SATB2: variants seen among roughly 807,000 people sequenced by gnomAD.
The protein encoded by SATB2 is DNA-binding protein SATB2.
Under a neutral mutation model 73.4 loss-of-function variants are expected in SATB2, and 1 was observed. The observed-to-expected ratio is 0.01, with a 90% CI of 0.00 to 0.06. The LOEUF (loss-of-function observed/expected upper bound fraction) is 0.06. Among genes scored for constraint, SATB2 ranks in the 10% least tolerant of loss-of-function variants. SATB2 has a pLI of 1.00. For synonymous variants in SATB2, 397 were observed against 367.0 expected (o/e 1.08, Z -0.93); for missense variants, 459 against 945.8 (o/e 0.49, Z 6.75).
chr2:199,376,817 A>G (rs1313960549), intron 5 of SATB2, among the ~76,000 whole-genome samples: 2 of 152,240 alleles, frequency 1.3e-5, no homozygotes, highest in East Asian at 3.9e-4. Context: ...AGGTTGAGGC[A>G]CTTCACTAGC....
chr2:199,429,445 C>A (rs1379348326), intron 3 of SATB2, among the ~76,000 whole-genome samples: 1 of 152,056 alleles, frequency 6.6e-6, no homozygotes, highest in African/African-American at 2.4e-5. Flanking sequence ...TTAAAGACAC[C>A]TTTTCTGTGT....
At chr2:199,398,976 C>T (rs1474784230) in intron 3 of SATB2, among the ~76,000 whole-genome samples, 2 of 152,122 alleles carry the variant, frequency 1.3e-5, no homozygotes, top group African/African-American at 4.8e-5. Context: ...GATAAAGATA[C>T]AGGTAAGATT....
chr2:199,419,386 C>A (rs1470638739), intron 3 of SATB2, among the ~76,000 whole-genome samples: 5 of 152,222 alleles, frequency 3.3e-5, no homozygotes, highest in Admixed American at 6.5e-5. Context: ...ATGGCACCCC[C>A]AGTGCCCTGA....
chr2:199,289,837 T>A (rs1410032936), intron 10 of SATB2, among the ~76,000 whole-genome samples: 2 of 152,184 alleles, frequency 1.3e-5, no homozygotes, highest in African/African-American at 4.8e-5. Flanking sequence ...TGCTGATTAT[T>A]CCTTTTAAAC....
At chr2:199,358,032 G>T (rs1689037166) in intron 6 of SATB2, among the ~76,000 whole-genome samples, 1 of 152,004 alleles carries the variant, frequency 6.6e-6, no homozygotes, top group Non-Finnish European at 1.5e-5. Flanking sequence ...TACAAAAATG[G>T]CAATTCCATA....
intron 3 of SATB2, among the ~76,000 whole-genome samples, chr2:199,391,432 C>CAAAAAAAAAAAAAA (rs56190034): frequency 6.1e-5 from 6 of 98,580 alleles, no homozygotes; most frequent in East Asian, 3.2e-4. Context: ...GACTCCGTCT[C>CAAAAAAAAAAAAAA]AAAAAAAAAA....
At chr2:199,302,145 T>C (rs1159458948) in intron 10 of SATB2, among the ~76,000 whole-genome samples, 1 of 152,196 alleles carries the variant, frequency 6.6e-6, no homozygotes, top group Non-Finnish European at 1.5e-5. Context: ...TTGTACAGTG[T>C]CTTAGAGTTT....
intron 5 of SATB2, among the ~76,000 whole-genome samples, chr2:199,376,090 T>C (rs1036503797): frequency 1.3e-5 from 2 of 152,174 alleles, no homozygotes; most frequent in African/African-American, 4.8e-5. Context: ...TTAAGGATAA[T>C]GGCTGTAGGA....
chr2:199,352,556 G>A (rs983577398), intron 6 of SATB2, among the ~76,000 whole-genome samples: 1 of 152,146 alleles, frequency 6.6e-6, no homozygotes, highest in Non-Finnish European at 1.5e-5. Context: ...GAAGTATCTT[G>A]TAAAGACATA....
At chr2:199,281,109 C>T (rs184316939) in intron 10 of SATB2, among the ~76,000 whole-genome samples, 21 of 152,116 alleles carry the variant, frequency 1.4e-4, no homozygotes, top group Admixed American at 5.2e-4. Context: ...CTATCAAGGG[C>T]AGGTTCCCCC....
intron 10 of SATB2, among the ~76,000 whole-genome samples, chr2:199,281,258 GTA>G (rs1692482908): frequency 4.2e-5 from 1 of 23,650 alleles, no homozygotes; most frequent in African/African-American, 5.2e-5. Context: ...ATGTGTGTAT[GTA>G]TGTATGTGTG....
chr2:199,356,675 C>T (rs1688993505), intron 6 of SATB2, among the ~76,000 whole-genome samples: 1 of 152,190 alleles, frequency 6.6e-6, no homozygotes, highest in Non-Finnish European at 1.5e-5. Flanking sequence ...AACCACATGG[C>T]TACTTTTTCC....
chr2:199,324,042 G>A, intron 8 of SATB2, 84 bp from the exon 9 acceptor site: 1 of 1,436,802 alleles, frequency 7.0e-7, no homozygotes, highest in Non-Finnish European at 9.8e-7. Context: ...AAGGATTTCA[G>A]TCAGCTGATG....
At chr2:199,359,189 A>C (rs1424498421) in intron 6 of SATB2, among the ~76,000 whole-genome samples, 3 of 152,174 alleles carry the variant, frequency 2.0e-5, no homozygotes, top group Admixed American at 2.0e-4. Flanking sequence ...CAAAGAAAAC[A>C]ATCAATTCAT....
chr2:199,413,087 G>C (rs1690871065), intron 3 of SATB2, among the ~76,000 whole-genome samples: 1 of 152,136 alleles, frequency 6.6e-6, no homozygotes, highest in African/African-American at 2.4e-5. Context: ...ATGTTTGCTA[G>C]TTCTTTGGTT....
chr2:199,435,994 C>T (rs1282015343), intron 2 of SATB2, among the ~76,000 whole-genome samples: 6 of 152,192 alleles, frequency 3.9e-5, no homozygotes. Flanking sequence ...CCATAAGCTA[C>T]TTCACCACTA....
At chr2:199,314,793 A>G (rs1488282603) in intron 9 of SATB2, among the ~76,000 whole-genome samples, 1 of 152,086 alleles carries the variant, frequency 6.6e-6, no homozygotes, top group Non-Finnish European at 1.5e-5. Flanking sequence ...CATGCAAAAA[A>G]ACAATTTTTA....
At chr2:199,444,718 T>G (rs985049478) in intron 2 of SATB2, among the ~76,000 whole-genome samples, 1 of 152,206 alleles carries the variant, frequency 6.6e-6, no homozygotes, top group African/African-American at 2.4e-5. Flanking sequence ...CGTTTAAAGT[T>G]TGTGGGTGAA....
At chr2:199,277,344 G>A (rs552788286) in intron 10 of SATB2, among the ~76,000 whole-genome samples, 13 of 152,178 alleles carry the variant, frequency 8.5e-5, no homozygotes, top group East Asian at 3.9e-4. Flanking sequence ...AACATATTTC[G>A]ATATAAAAGT....
Sources: allele counts gnomAD v4.1 joint callset (sites outside exome capture counted in the v4.1 genomes callset), GRCh38; gene constraint gnomAD v4.1.1; transcripts MANE v1.5; gene names NCBI Gene and HGNC (gene_info 2026-07-23, HGNC 2026-07-21).